The following YARS1 variants were observed in gnomAD, a reference collection of about 807,000 sequenced individuals.
YARS1 encodes the protein tyrosyl-tRNA synthetase 1.
Under a neutral mutation model 62.2 loss-of-function variants are expected in YARS1, and 36 were observed. That is an observed-to-expected ratio of 0.58 (90% CI 0.44 to 0.76). The LOEUF (loss-of-function observed/expected upper bound fraction) is 0.76, where lower values mean the gene tolerates loss of function less well. YARS1 is among the 30% of genes least tolerant of loss of function. YARS1 has a pLI of 0.00. For missense variants in YARS1, 524 were observed against 639.8 expected (o/e 0.82, Z 1.95); for synonymous variants, 234 against 244.9 (o/e 0.96, Z 0.42).
At chr1:32,801,948 T>C (rs968197250) in intron 4 of YARS1, among the ~76,000 whole-genome samples, 2 of 137,748 alleles carry the variant, frequency 1.5e-5, no homozygotes, top group African/African-American at 2.8e-5. Flanking sequence ...ATTTCTTTTT[T>C]TTTTTTTTTT....
At chr1:32,810,864 G>C in intron 2 of YARS1, 47 bp downstream of exon 2, 2 of 1,613,842 alleles carry the variant, frequency 1.2e-6, no homozygotes, top group South Asian at 2.2e-5. Context: ...GTCTCTCTTG[G>C]GTCTCCCTTG....
intron 4 of YARS1, among the ~76,000 whole-genome samples, chr1:32,804,361 C>A (rs1457445836): frequency 6.7e-6 from 1 of 148,586 alleles, no homozygotes; most frequent in African/African-American, 2.5e-5. Flanking sequence ...GGTGGCTGGC[C>A]GGGCGGGGGT....
In YARS1 at chr1:32,792,386, A is replaced by G. The variant is rs141454912; in HGVS notation, c.592-1132T>C. On this transcript the variant is annotated intron_variant, in intron 5 of 12. Transcript: ENST00000373477. Reference sequence around the variant, plus strand: ...CCAGGTGATAAGTCAGTAATTTAGCAATCTACAGAAAACATAGCATCCTAC... The same window carrying G: ...CCAGGTGATAAGTCAGTAATTTAGCGATCTACAGAAAACATAGCATCCTAC... Among the ~76,000 whole-genome samples, 81 of 152,328 alleles carry G rather than the reference A, an allele frequency of 5.3e-4. 1 individual carries two copies. The highest frequency in any genetic ancestry group is 6.8e-3 in the Middle Eastern group (2 of 294).
intron 1 of YARS1, among the ~76,000 whole-genome samples, chr1:32,815,900 G>A (rs1638708143): frequency 6.6e-6 from 1 of 152,078 alleles, no homozygotes; most frequent in Non-Finnish European, 1.5e-5. Context: ...ACGAGGTCAG[G>A]AGATCGAGAC....
At chr1:32,806,668 T>C (rs575200023) in intron 3 of YARS1, 57 bp from the exon 4 acceptor site, 3 of 1,612,382 alleles carry the variant, frequency 1.9e-6, no homozygotes, top group African/African-American at 1.3e-5. Flanking sequence ...CTCAGTTTCC[T>C]AGGAAATCTA....
intron 7 of YARS1, 110 bp from the exon 8 acceptor site, chr1:32,786,557 T>C (rs1653236361): frequency 9.3e-7 from 1 of 1,070,008 alleles, no homozygotes; most frequent in South Asian, 1.3e-5. Context: ...TGCCATATAT[T>C]CTGAACTTTA....
At position 32,775,542 on chromosome 1, in the gene YARS1, A is replaced by G. The variant is rs184249741; in HGVS notation, c.*439T>C. On this transcript the variant is annotated 3_prime_UTR_variant, in exon 13 of 13. Transcript: ENST00000373477. ...CTGTTTTCCCTTCCCTTTCCTTTTC[A>G]AATCCCACAGTTTCCTGTTGGGGAG... The G allele has an allele frequency of 2.8e-3, 501 of 177,204 alleles. 1 individual carries two copies. Among genetic ancestry groups the G allele is most frequent in the Non-Finnish European group, 4.7e-3 (385 of 82,038 alleles). 11.0% of individuals were successfully genotyped at this position (177,204 alleles called of 1,614,324 possible).
chr1:32,792,037 C>T lies in YARS1; in HGVS notation c.592-783G>A, dbSNP rs148930749. Among the ~76,000 whole-genome samples, 203 of 152,176 alleles carry T rather than the reference C, an allele frequency of 1.3e-3. 2 individuals are homozygous for T. The highest frequency in any genetic ancestry group is 4.7e-3 in the African/African-American group (197 of 41,510). ...GGAGGCTAGGGATTGGGATGGGTTC[C>T]TCAGCCTATGTCAAAATTCCCCACT... On this transcript the variant is annotated intron_variant, in intron 5 of 12. Transcript: ENST00000373477.
At chr1:32,797,696 A>G (rs926136490) in intron 5 of YARS1, 67 bp downstream of exon 5, 1 of 1,331,376 alleles carries the variant, frequency 7.5e-7, no homozygotes, top group African/African-American at 1.4e-5. Flanking sequence ...GACACATCAT[A>G]GTTCAATAAA....
chr1:32,806,431 A>T (rs1292095673), intron 4 of YARS1, 51 bp downstream of exon 4: 7 of 1,612,796 alleles, frequency 4.3e-6, no homozygotes, highest in Non-Finnish European at 5.9e-6. Context: ...TATGCCTGTC[A>T]TCAAACCAGA....
Position 32,807,671 on chromosome 1 carries a change from T to G in YARS1, c.381-1060A>C, listed in dbSNP as rs147938757. Among the ~76,000 whole-genome samples, 1,304 of 152,212 alleles carry G rather than the reference T, an allele frequency of 8.6e-3. 15 individuals carry two copies. The highest frequency in any genetic ancestry group is 0.013 in the Non-Finnish European group (909 of 67,980). On this transcript the variant is annotated intron_variant, in intron 3 of 12. Coordinates refer to ENST00000373477, the MANE Select transcript of YARS1 (RefSeq NM_003680.4). ...CGTGGTTTCCCCCCATTGCCCAGGC[T>G]GGTCTGGAACTGCTGGGCTCGAGCA... is the stretch of plus-strand genomic sequence containing the variant.
intron 5 of YARS1, 64 bp from the exon 6 acceptor site, chr1:32,791,318 C>G: frequency 7.5e-7 from 1 of 1,329,244 alleles, no homozygotes; most frequent in Non-Finnish European, 1.1e-6. Flanking sequence ...GTGCCCTGAT[C>G]TCATCTGACT....
At chr1:32,803,680 A>G (rs1322238691) in intron 4 of YARS1, among the ~76,000 whole-genome samples, 4 of 151,994 alleles carry the variant, frequency 2.6e-5, no homozygotes, top group Non-Finnish European at 5.9e-5. Flanking sequence ...GATCTTAGCT[A>G]GATCTTCTGG....
At chr1:32,816,836 T>C (rs1194175203) in intron 1 of YARS1, 11 of 440,680 alleles carry the variant, frequency 2.5e-5, no homozygotes, top group Non-Finnish European at 3.8e-5. Flanking sequence ...GGGTCATTTT[T>C]AACGTCTGAT....
intron 3 of YARS1, among the ~76,000 whole-genome samples, chr1:32,809,164 G>A (rs375711305): frequency 4.0e-5 from 6 of 151,398 alleles, no homozygotes; most frequent in African/African-American, 1.2e-4. Context: ...TCCACTCACC[G>A]CAACCTCCAC....
chr1:32,791,285 A>C lies in YARS1; in HGVS notation c.592-31T>G, dbSNP rs537671427. ...AGATTAGAGAAACACACAAAAGCCG[A>C]TATTAGTCTAAGTTCCTCCTCAGTG... On this transcript the variant is annotated intron_variant, in intron 5 of 12. Coordinates refer to ENST00000373477, the MANE Select transcript of YARS1 (RefSeq NM_003680.4). 5.7e-5 allele frequency: 90 copies of C among 1,575,028 alleles called. 1 individual carries two copies. The South Asian group carries it at 8.3e-4, about 15-fold the overall frequency.
At chr1:32,808,051 G>A (rs1638502072) in intron 3 of YARS1, among the ~76,000 whole-genome samples, 1 of 152,036 alleles carries the variant, frequency 6.6e-6, no homozygotes, top group African/African-American at 2.4e-5. Flanking sequence ...GATTACAGGT[G>A]CATGCCATGA....
intron 4 of YARS1, among the ~76,000 whole-genome samples, chr1:32,804,850 C>T (rs1433320855): frequency 1.3e-5 from 2 of 152,144 alleles, no homozygotes; most frequent in South Asian, 2.1e-4. Flanking sequence ...GCAGAGGCTG[C>T]AATCTCGGCA....
At chr1:32,803,051 C>T (rs1008725907) in intron 4 of YARS1, among the ~76,000 whole-genome samples, 10 of 146,896 alleles carry the variant, frequency 6.8e-5, no homozygotes, top group African/African-American at 2.3e-4. Context: ...GGTGCGATCT[C>T]GGCTTACTGC....
Sources: allele counts gnomAD v4.1 joint callset (sites outside exome capture counted in the v4.1 genomes callset), GRCh38; gene constraint gnomAD v4.1.1; transcripts MANE v1.5; gene names NCBI Gene and HGNC (gene_info 2026-07-23, HGNC 2026-07-21).